The following EIF4E variants were observed in gnomAD, a reference collection of about 807,000 sequenced individuals.
EIF4E encodes the protein eukaryotic translation initiation factor 4E, also known as eIF-4F 25 kDa subunit.
For missense variants in EIF4E, 113 were observed against 265.6 expected, an observed-to-expected ratio of 0.43 and a Z score of 3.99; for synonymous variants, 71 against 88.5, an observed-to-expected ratio of 0.80 and a Z score of 1.11.
intron 2 of EIF4E, among the ~76,000 whole-genome samples, chr4:98,892,345 A>C (rs1319522776): frequency 2.0e-5 from 3 of 149,728 alleles, no homozygotes; most frequent in Admixed American, 6.7e-5. Flanking sequence ...ACAAACAAAA[A>C]AAAAAAACAA....
At chr4:98,903,894 T>C (rs1370416827) in intron 1 of EIF4E, among the ~76,000 whole-genome samples, 1 of 152,184 alleles carries the variant, frequency 6.6e-6, no homozygotes, top group East Asian at 1.9e-4. Flanking sequence ...TGAATGACAT[T>C]TCCTATCCCA....
At chr4:98,892,970 G>C (rs943600049) in intron 2 of EIF4E, among the ~76,000 whole-genome samples, 1 of 151,728 alleles carries the variant, frequency 6.6e-6, no homozygotes, top group Non-Finnish European at 1.5e-5. Flanking sequence ...ATTATATATA[G>C]AGGCATACCT....
At chr4:98,898,829 A>G (rs1191894950) in intron 2 of EIF4E, among the ~76,000 whole-genome samples, 1 of 152,122 alleles carries the variant, frequency 6.6e-6, no homozygotes, top group African/African-American at 2.4e-5. Context: ...AGCTCTGTAG[A>G]GTCACCAATA....
At position 98,879,405 on chromosome 4, in the gene EIF4E, C is replaced by T. The variant is rs1031265245; in HGVS notation, c.*1623G>A. The T allele has an allele frequency of 6.6e-6, 1 of 152,128 alleles. No homozygotes were observed. The highest frequency in any genetic ancestry group is 3.2e-3 in the Middle Eastern group (1 of 316). The allele number at this position is 152,128 out of a possible 1,614,324, so 9.4% of individuals were successfully genotyped here. On this transcript the variant is annotated 3_prime_UTR_variant, in exon 7 of 7. Coordinates refer to ENST00000450253, the MANE Select transcript of EIF4E (RefSeq NM_001968.5). ...ATAATAATTTCCATTCTGCTACCTA[C>T]AGTTTGGCTTATCCTTTGGTCTGAT...
Position 98,896,224 on chromosome 4 carries a change from A to AAAATAAAATAAAATAAAATT in EIF4E, c.126-4893_126-4892insAATTTTATTTTATTTTATTT, listed in dbSNP as rs552444898. ...AAAATAAAATAAAATAAAATAAAAT[A>AAAATAAAATAAAATAAAATT]AGCTAGGCATGATGGCATGTGTCTA... On this transcript the variant is annotated intron_variant, in intron 2 of 6. Coordinates refer to ENST00000450253, the MANE Select transcript of EIF4E (RefSeq NM_001968.5). Among the ~76,000 whole-genome samples, 330 of 146,078 alleles carry AAAATAAAATAAAATAAAATT rather than the reference A, an allele frequency of 2.3e-3. 27 individuals carry two copies. Among genetic ancestry groups the AAAATAAAATAAAATAAAATT allele is most frequent in the African/African-American group, 8.6e-3 (309 of 36,050 alleles).
At chr4:98,886,523 G>A (rs933306210) in intron 5 of EIF4E, 1 of 431,666 alleles carries the variant, frequency 2.3e-6, no homozygotes, top group Non-Finnish European at 4.6e-6. Context: ...AGACCAACCT[G>A]GGCAACATAG....
intron 6 of EIF4E, among the ~76,000 whole-genome samples, chr4:98,884,286 T>G (rs1215769246): frequency 1.3e-5 from 2 of 152,148 alleles, no homozygotes; most frequent in East Asian, 3.9e-4. Context: ...AAACAGCACT[T>G]TCAAAGTAGG....
chr4:98,909,021 T>C (rs1378356926), intron 1 of EIF4E, among the ~76,000 whole-genome samples: 1 of 152,176 alleles, frequency 6.6e-6, no homozygotes, highest in Non-Finnish European at 1.5e-5. Context: ...AAATCTATAA[T>C]ATATACTGTG....
chr4:98,901,446 G>A (rs1290240451), intron 2 of EIF4E, among the ~76,000 whole-genome samples: 3 of 138,800 alleles, frequency 2.2e-5, no homozygotes, highest in African/African-American at 8.0e-5. Flanking sequence ...TGATCCGCCC[G>A]CCTCCGCCTC....
At chr4:98,902,984 A>G (rs952360362) in intron 1 of EIF4E, among the ~76,000 whole-genome samples, 14 of 152,228 alleles carry the variant, frequency 9.2e-5, no homozygotes, top group African/African-American at 2.4e-4. Context: ...AATATTTTCA[A>G]TGGAACCTAA....
At chr4:98,912,094 AAC>A (rs1725169947) in intron 1 of EIF4E, among the ~76,000 whole-genome samples, 1 of 151,804 alleles carries the variant, frequency 6.6e-6, no homozygotes, top group Non-Finnish European at 1.5e-5. Context: ...CTCTACCAAA[AAC>A]ACAAAATTAG....
intron 1 of EIF4E, among the ~76,000 whole-genome samples, chr4:98,904,907 C>T (rs1258219388): frequency 6.6e-6 from 1 of 151,880 alleles, no homozygotes; most frequent in Admixed American, 6.6e-5. Context: ...CACTTTTAAA[C>T]ATACTAGATT....
chr4:98,924,087 T>A (rs941256537), intron 1 of EIF4E, among the ~76,000 whole-genome samples: 3 of 151,842 alleles, frequency 2.0e-5, no homozygotes, highest in Non-Finnish European at 2.9e-5. Context: ...GTTTATTTTT[T>A]TTTTTTTTGA....
intron 1 of EIF4E, chr4:98,925,975 G>A (rs1203606807): frequency 1.3e-5 from 2 of 151,906 alleles, no homozygotes; most frequent in Non-Finnish European, 2.9e-5. Context: ...GACCAGCCTG[G>A]GTAACCATCG....
chr4:98,916,304 GAA>G (rs2110216251), intron 1 of EIF4E, among the ~76,000 whole-genome samples: 1 of 136,636 alleles, frequency 7.3e-6, no homozygotes, highest in East Asian at 2.3e-4. Context: ...AAAAAAAAAG[GAA>G]GAGAAGGAGG....
intron 1 of EIF4E, among the ~76,000 whole-genome samples, chr4:98,915,837 T>C (rs931145038): frequency 3.3e-5 from 5 of 151,676 alleles, no homozygotes; most frequent in Non-Finnish European, 7.4e-5. Flanking sequence ...CCACTGCGCC[T>C]GGCCGTTATC....
At chr4:98,891,899 GT>G (rs1231511234) in intron 2 of EIF4E, among the ~76,000 whole-genome samples, 1 of 152,202 alleles carries the variant, frequency 6.6e-6, no homozygotes, top group Non-Finnish European at 1.5e-5. Flanking sequence ...AGATATGTAT[GT>G]TATGTCTACT....
At position 98,917,131 on chromosome 4, in the gene EIF4E, C is replaced by A. The variant is rs1230780643; in HGVS notation, c.18+11964G>T. ...ACACACACACACACACACACACACACACAAAAAAAACCCAAATGCTCAAGT... is the reference window on the plus strand; with the variant it reads ...ACACACACACACACACACACACACAAACAAAAAAAACCCAAATGCTCAAGT... On this transcript the variant is annotated intron_variant, in intron 1 of 6. Coordinates refer to ENST00000450253, the MANE Select transcript of EIF4E (RefSeq NM_001968.5). 3.7e-3 allele frequency among the ~76,000 whole-genome samples: 195 copies of A among 52,576 alleles called. 1 individual carries two copies. The highest frequency in any genetic ancestry group is 0.02 in the Middle Eastern group (2 of 98). The allele number at this position is 52,576 out of a possible 152,430, so 34.5% of individuals were successfully genotyped here.
At chr4:98,914,338 G>A in intron 1 of EIF4E, among the ~76,000 whole-genome samples, 1 of 115,848 alleles carries the variant, frequency 8.6e-6, no homozygotes, top group East Asian at 2.8e-4. Context: ...ACTCCAGCCT[G>A]GCAACAGAGC....
Sources: allele counts gnomAD v4.1 joint callset (sites outside exome capture counted in the v4.1 genomes callset), GRCh38; gene constraint gnomAD v4.1.1; transcripts MANE v1.5; gene names NCBI Gene and HGNC (gene_info 2026-07-23, HGNC 2026-07-21).